The following ERBB4 variants were observed in gnomAD, a reference collection of about 807,000 sequenced individuals.
ERBB4 encodes receptor tyrosine-protein kinase erbB-4.
ERBB4 carries 42 observed loss-of-function variants against 158.0 expected under a neutral mutation model. That is an observed-to-expected ratio of 0.27 (90% confidence interval 0.21 to 0.34). ERBB4 has a LOEUF of 0.34. Ranked by LOEUF, ERBB4 falls within the 10% of genes least tolerant of loss-of-function variation. The pLI is 1.00. For synonymous variants in ERBB4, 583 were observed against 558.7 expected (o/e 1.04, Z -0.61); for missense variants, 1,333 against 1,624.1 (o/e 0.82, Z 3.08).
At chr2:211,764,830 A>G (rs1198304626) in intron 4 of ERBB4, among the ~76,000 whole-genome samples, 1 of 152,218 alleles carries the variant, frequency 6.6e-6, no homozygotes, top group Non-Finnish European at 1.5e-5. Context: ...TAATGGGATT[A>G]ATACAAATGC....
chr2:212,207,563 AAATAT>A (rs2082801288), intron 1 of ERBB4, among the ~76,000 whole-genome samples: 1 of 152,226 alleles, frequency 6.6e-6, no homozygotes, highest in Non-Finnish European at 1.5e-5. Context: ...ATCTTACACT[AAATAT>A]AATATATCAA....
chr2:212,433,038 T>C (rs2092063919), intron 1 of ERBB4, among the ~76,000 whole-genome samples: 1 of 152,192 alleles, frequency 6.6e-6, no homozygotes, highest in African/African-American at 2.4e-5. Flanking sequence ...CCTTCATATG[T>C]CCCAGAGCTT....
At chr2:211,887,594 A>C (rs190208668) in intron 3 of ERBB4, among the ~76,000 whole-genome samples, 11 of 152,312 alleles carry the variant, frequency 7.2e-5, no homozygotes, top group African/African-American at 2.6e-4. Flanking sequence ...CTTTCTAAAC[A>C]AATATACCTA....
intron 3 of ERBB4, among the ~76,000 whole-genome samples, chr2:211,911,842 T>C (rs1013772394): frequency 6.6e-6 from 1 of 151,286 alleles, no homozygotes; most frequent in Non-Finnish European, 1.5e-5. Flanking sequence ...TTTTGAGTTC[T>C]GTTGCACAAT....
Position 211,803,386 on chromosome 2 carries a change from T to C in ERBB4, c.422-15227A>G, listed in dbSNP as rs549135892. ...TATCACCGAAGAGTCCAGAAGATAA[T>C]AAACTCTACAACACTTCCTTCTTTT... On this transcript the variant is annotated intron_variant, in intron 3 of 27. Transcript: ENST00000342788. Among the ~76,000 whole-genome samples, 8 of 152,306 alleles carry C rather than the reference T, an allele frequency of 5.3e-5. No individual in the cohort carries two copies. In the East Asian group the frequency reaches 7.7e-4, roughly 15 times the overall value.
intron 1 of ERBB4, among the ~76,000 whole-genome samples, chr2:212,139,697 T>C (rs1277968665): frequency 2.6e-5 from 4 of 151,982 alleles, no homozygotes; most frequent in African/African-American, 9.7e-5. Flanking sequence ...AAGCTTCATA[T>C]GTGCAAAACA....
intron 5 of ERBB4, among the ~76,000 whole-genome samples, chr2:211,744,227 C>T (rs552329362): frequency 1.1e-4 from 17 of 152,150 alleles, no homozygotes; most frequent in South Asian, 2.1e-4. Context: ...AATTATTTAA[C>T]GTGCAATCAA....
intron 4 of ERBB4, among the ~76,000 whole-genome samples, chr2:211,780,359 T>C (rs1463390487): frequency 6.6e-6 from 1 of 151,968 alleles, no homozygotes. Flanking sequence ...CAAGACCCAG[T>C]CTAAAAAAAT....
chr2:212,315,659 C>T (rs1016212176), intron 1 of ERBB4, among the ~76,000 whole-genome samples: 5 of 146,404 alleles, frequency 3.4e-5, no homozygotes, highest in Non-Finnish European at 7.6e-5. Flanking sequence ...GTAGAAAGCA[C>T]AGTTGCTTTG....
At chr2:212,353,989 CTA>C (rs2089364967) in intron 1 of ERBB4, among the ~76,000 whole-genome samples, 1 of 152,048 alleles carries the variant, frequency 6.6e-6, no homozygotes, top group South Asian at 2.1e-4. Context: ...AGTAGCTGAC[CTA>C]TACTGAACAT....
chr2:211,863,860 G>A (rs1287701522), intron 3 of ERBB4, among the ~76,000 whole-genome samples: 2 of 152,164 alleles, frequency 1.3e-5, no homozygotes, highest in African/African-American at 4.8e-5. Flanking sequence ...ACATTCATAG[G>A]TTTCTGTGTA....
chr2:211,504,650 T>C (rs546157002), intron 20 of ERBB4, among the ~76,000 whole-genome samples: 2 of 152,124 alleles, frequency 1.3e-5, no homozygotes, highest in African/African-American at 4.8e-5. Context: ...GAATTCAAGA[T>C]ATGGATTGCA....
chr2:211,771,185 CAGAT>C, intron 4 of ERBB4, among the ~76,000 whole-genome samples: 1 of 152,330 alleles, frequency 6.6e-6, no homozygotes, highest in East Asian at 1.9e-4. Context: ...TGAGTGAATT[CAGAT>C]ACATACCCAC....
chr2:212,412,183 A>C (rs1286229751), intron 1 of ERBB4, among the ~76,000 whole-genome samples: 2 of 152,182 alleles, frequency 1.3e-5, no homozygotes, highest in African/African-American at 4.8e-5. Context: ...ATAAATCTTA[A>C]ATCTCCCCCT....
chr2:212,280,621 TG>T (rs1219100330), intron 1 of ERBB4, among the ~76,000 whole-genome samples: 5 of 151,706 alleles, frequency 3.3e-5, no homozygotes, highest in Non-Finnish European at 5.9e-5. Flanking sequence ...CTGTTGTTGT[TG>T]TTTTCCTGAA....
intron 1 of ERBB4, among the ~76,000 whole-genome samples, chr2:212,263,691 A>G (rs1445473656): frequency 2.6e-5 from 4 of 151,958 alleles, no homozygotes; most frequent in Admixed American, 2.6e-4. Flanking sequence ...TTTTTCTCTA[A>G]TTTTCAAAAT....
intron 3 of ERBB4, among the ~76,000 whole-genome samples, chr2:211,911,680 A>G (rs1216547376): frequency 6.6e-6 from 1 of 152,184 alleles, no homozygotes; most frequent in Non-Finnish European, 1.5e-5. Context: ...TGTGATGGAG[A>G]AAATGGACCT....
At chr2:211,425,383 ATTC>A (rs1463807509) in intron 22 of ERBB4, among the ~76,000 whole-genome samples, 1 of 149,056 alleles carries the variant, frequency 6.7e-6, no homozygotes, top group African/African-American at 2.6e-5. Flanking sequence ...ATTTAAAATT[ATTC>A]TTTCTAATAG....
At chr2:212,302,958 G>A (rs1257494676) in intron 1 of ERBB4, among the ~76,000 whole-genome samples, 1 of 151,388 alleles carries the variant, frequency 6.6e-6, no homozygotes, top group East Asian at 1.9e-4. Context: ...ATGAAAGAGG[G>A]GGAGGAGAAA....
Sources: gnomAD v4.1 joint callset for allele counts (sites outside exome capture counted in the v4.1 genomes callset) on GRCh38, gnomAD v4.1.1 for gene constraint, MANE v1.5 for transcripts, NCBI Gene and HGNC (gene_info 2026-07-23, HGNC 2026-07-21) for gene names.